Variants in ADARB1 observed in about 807,000 individuals in gnomAD.
ADARB1 encodes double-stranded RNA-specific editase 1.
In ADARB1, 10 loss-of-function variants were observed where a neutral mutation model predicts 52.4. The observed-to-expected ratio is 0.19, with a 90% CI of 0.12 to 0.32. The LOEUF is 0.32. Ranked by LOEUF, ADARB1 falls within the 10% of genes least tolerant of loss-of-function variation. The pLI is 1.00. For synonymous variants in ADARB1, 349 were observed against 371.1 expected (o/e 0.94, Z 0.68); for missense variants, 643 against 922.3 (o/e 0.70, Z 3.92).
In ADARB1 at chr21:45,224,600, G is replaced by GGGCGTT; in HGVS notation, c.*2403_*2404insGGCGTT. ...CTGGGCAGGGGGCTACTGGGGGGCGGCTGTGAGGAGGAGTTGGGTTCAGGG... is the reference window on the plus strand; with the variant it reads ...CTGGGCAGGGGGCTACTGGGGGGCGGGGCGTTCTGTGAGGAGGAGTTGGGTTCAGGG... On this transcript the variant is annotated 3_prime_UTR_variant, in exon 11 of 11. Transcript: ENST00000348831. The GGGCGTT allele has an allele frequency of 1.4e-6, 1 of 706,550 alleles. No homozygotes were observed. The highest frequency in any genetic ancestry group is 1.6e-6 in the Non-Finnish European group (1 of 618,450). The allele number at this position is 706,550 out of a possible 1,614,324, so 43.8% of individuals were successfully genotyped here. A position where few individuals can be genotyped will look rare whatever the true frequency, so the allele number is the denominator to read the frequency against.
rs1296383831 is a variant in ADARB1, at chr21:45,222,350, T to C, written c.*153T>C. On this transcript the variant is annotated 3_prime_UTR_variant, in exon 11 of 11. Coordinates refer to ENST00000348831, the MANE Select transcript of ADARB1 (RefSeq NM_001112.4). ...GGTGTCCACGGTTGTCCCCAGCATC[T>C]CACATCAGACCTGGGGCAGGTGCGC... 2.2e-6 allele frequency: 3 copies of C among 1,384,494 alleles called. No individual in the cohort carries two copies. Among genetic ancestry groups the C allele is most frequent in the Non-Finnish European group, 2.8e-6 (3 of 1,076,094 alleles). The allele number at this position is 1,384,494 out of a possible 1,614,324, so 85.8% of individuals were successfully genotyped here. A position where few individuals can be genotyped will look rare whatever the true frequency, so the allele number is the denominator to read the frequency against.
chr21:45,103,534 A>G (rs954549031), intron 1 of ADARB1, among the ~76,000 whole-genome samples: 11 of 151,782 alleles, frequency 7.2e-5, no homozygotes, highest in Admixed American at 2.0e-4. Context: ...GGAATGTGCA[A>G]CCTAGACCCC....
At chr21:45,127,257 C>T (rs1016164267) in intron 1 of ADARB1, among the ~76,000 whole-genome samples, 1 of 152,116 alleles carries the variant, frequency 6.6e-6, no homozygotes, top group African/African-American at 2.4e-5. Flanking sequence ...TGATTGGGAC[C>T]GCTGGGGAGG....
rs1293800846 is a variant in ADARB1, at chr21:45,224,827, C to T, written c.*2630C>T. 1 of 985,376 alleles carries T rather than the reference C, an allele frequency of 1.0e-6. No individual in the cohort carries two copies. Among genetic ancestry groups the T allele is most frequent in the Admixed American group, 6.2e-5 (1 of 16,202 alleles). 61.0% of individuals were successfully genotyped at this position (985,376 alleles called of 1,614,324 possible). ...AATCAGAAAAAAAATAAACAAAATA[C>T]AGAACGCTGACTCCTCCGTGAGACA... On this transcript the variant is annotated 3_prime_UTR_variant, in exon 11 of 11. Transcript: ENST00000348831.
intron 2 of ADARB1, among the ~76,000 whole-genome samples, chr21:45,150,972 C>T (rs551601903): frequency 1.3e-5 from 2 of 152,302 alleles, no homozygotes; most frequent in African/African-American, 2.4e-5. Flanking sequence ...TGCCATGAGT[C>T]AGGAGGGCAG....
chr21:45,114,636 G>T (rs1040126473), intron 1 of ADARB1, among the ~76,000 whole-genome samples: 2 of 152,198 alleles, frequency 1.3e-5, no homozygotes, highest in Non-Finnish European at 2.9e-5. Context: ...TAATTTGGTT[G>T]CTATTAATAA....
chr21:45,186,895 C>T lies in ADARB1; in HGVS notation c.1565+1804C>T, dbSNP rs549657505. On this transcript the variant is annotated intron_variant, in intron 8 of 10. Coordinates refer to ENST00000348831, the MANE Select transcript of ADARB1 (RefSeq NM_001112.4). ...GTCTGTTCTATTCCATATGTCTATT[C>T]TTTATGCCAGTGTCATGCTGTTTTG... Among the ~76,000 whole-genome samples the T allele has an allele frequency of 2.0e-5, 3 of 152,232 alleles. No homozygotes were observed. The East Asian group carries it at 5.8e-4, about 29-fold the overall frequency.
At chr21:45,076,605 C>T (rs1484140542) in intron 1 of ADARB1, among the ~76,000 whole-genome samples, 2 of 152,210 alleles carry the variant, frequency 1.3e-5, no homozygotes, top group African/African-American at 4.8e-5. Flanking sequence ...CGTGCTCATG[C>T]AGTTGTTACT....
At chr21:45,150,803 A>C (rs2090246820) in intron 2 of ADARB1, among the ~76,000 whole-genome samples, 1 of 152,248 alleles carries the variant, frequency 6.6e-6, no homozygotes, top group African/African-American at 2.4e-5. Context: ...GTACTGACAC[A>C]TGCCCTGGTG....
chr21:45,181,182 G>A (rs1189182927), intron 5 of ADARB1, among the ~76,000 whole-genome samples: 2 of 152,188 alleles, frequency 1.3e-5, no homozygotes, highest in Middle Eastern at 3.2e-3. Flanking sequence ...GGAAGCTGGG[G>A]ACAGTTTCTC....
At chr21:45,101,708 G>A (rs528547781) in intron 1 of ADARB1, among the ~76,000 whole-genome samples, 13 of 152,276 alleles carry the variant, frequency 8.5e-5, no homozygotes, top group Admixed American at 7.8e-4. Flanking sequence ...AAATTTTCTG[G>A]ATAGTGTATA....
At chr21:45,112,608 A>G (rs1032934459) in intron 1 of ADARB1, among the ~76,000 whole-genome samples, 7 of 151,834 alleles carry the variant, frequency 4.6e-5, no homozygotes, top group African/African-American at 1.7e-4. Context: ...AGTCACCCAC[A>G]TTCCTCTTGG....
chr21:45,130,327 A>T (rs1484191120), intron 2 of ADARB1, among the ~76,000 whole-genome samples: 3 of 152,222 alleles, frequency 2.0e-5, no homozygotes, highest in Non-Finnish European at 4.4e-5. Context: ...TGCACCAATA[A>T]ATTGTTCTTA....
intron 9 of ADARB1, among the ~76,000 whole-genome samples, chr21:45,207,450 A>G (rs1042823401): frequency 6.6e-6 from 1 of 152,228 alleles, no homozygotes; most frequent in African/African-American, 2.4e-5. Flanking sequence ...TTGAAGCCGA[A>G]GGCAAGTAAT....
intron 8 of ADARB1, among the ~76,000 whole-genome samples, chr21:45,201,478 T>C (rs2092552839): frequency 6.6e-6 from 1 of 152,258 alleles, no homozygotes; most frequent in Admixed American, 6.5e-5. Context: ...TAGAGGCTTC[T>C]AATCTGTAGA....
chr21:45,202,990 G>A (rs957966461), intron 8 of ADARB1, among the ~76,000 whole-genome samples: 3 of 148,850 alleles, frequency 2.0e-5, no homozygotes, highest in Admixed American at 6.7e-5. Flanking sequence ...TGTGCTGAGC[G>A]TCTTCCCCTG....
At chr21:45,130,906 C>T (rs1601490593) in intron 2 of ADARB1, among the ~76,000 whole-genome samples, 2 of 152,132 alleles carry the variant, frequency 1.3e-5, no homozygotes, top group South Asian at 2.1e-4. Context: ...AATTCCCCTG[C>T]GCAAGAGGAA....
chr21:45,163,107 T>C (rs1337094452), intron 2 of ADARB1, among the ~76,000 whole-genome samples: 1 of 152,242 alleles, frequency 6.6e-6, no homozygotes, highest in East Asian at 1.9e-4. Flanking sequence ...AGGATGCTAA[T>C]AGCTGCCTGG....
In ADARB1 at chr21:45,204,517, C is replaced by T. The variant is rs1429887042; in HGVS notation, c.1566-38C>T. On this transcript the variant is annotated intron_variant, in intron 8 of 10. Coordinates refer to ENST00000348831, the MANE Select transcript of ADARB1 (RefSeq NM_001112.4). The surrounding 1 kb of genome is among the most constrained non-coding windows in gnomAD (Gnocchi z 4.4). ...GGGCTGGGCTGCGTCGACACTGAGT[C>T]CGAGCTCCCTGAAGACTGTGCTTTC... 1.9e-6 allele frequency: 3 copies of T among 1,598,708 alleles called. No homozygotes were observed. Among genetic ancestry groups the T allele is most frequent in the Non-Finnish European group, 2.6e-6 (3 of 1,172,646 alleles).
Sources: gnomAD v4.1 joint callset for allele counts (sites outside exome capture counted in the v4.1 genomes callset) on GRCh38, gnomAD v4.1.1 for gene constraint, Gnocchi (gnomAD v3.1) non-coding constraint, MANE v1.5 for transcripts, NCBI Gene and HGNC (gene_info 2026-07-23, HGNC 2026-07-21) for gene names.